Variants in CREB3L2 observed in about 807,000 individuals in gnomAD.
CREB3L2 encodes cyclic AMP-responsive element-binding protein 3-like protein 2.
In CREB3L2, 23 loss-of-function variants were observed where a neutral mutation model predicts 57.2. The observed-to-expected ratio is 0.40, with a 90% CI of 0.29 to 0.57. The LOEUF (loss-of-function observed/expected upper bound fraction) is 0.57. Among genes scored for constraint, CREB3L2 ranks in the 20% least tolerant of loss-of-function variants. CREB3L2 has a pLI of 0.42. For missense variants in CREB3L2, 628 were observed against 634.7 expected (o/e 0.99, Z 0.11); for synonymous variants, 268 against 265.1 (o/e 1.01, Z -0.11).
At position 137,946,878 on chromosome 7, in the gene CREB3L2, ATCTATATAGT is replaced by A. The variant is rs1396936526; in HGVS notation, c.103-18522_103-18513del. On this transcript the variant is annotated intron_variant, in intron 1 of 11. Transcript: ENST00000330387. ...TATCTATATAGTTATATATATAGTT[ATCTATATAGT>A]TATATATATAGTTATATATATAGTT... is the stretch of plus-strand genomic sequence containing the variant. 8.4e-5 allele frequency among the ~76,000 whole-genome samples: 5 copies of A among 59,814 alleles called. 1 individual carries two copies. Among genetic ancestry groups the A allele is most frequent in the African/African-American group, 5.3e-4 (5 of 9,362 alleles). 39.2% of individuals were successfully genotyped at this position (59,814 alleles called of 152,430 possible). A position where few individuals can be genotyped will look rare whatever the true frequency, so the allele number is the denominator to read the frequency against.
At chr7:137,892,875 AATAATT>A (rs1387355904) in intron 8 of CREB3L2, among the ~76,000 whole-genome samples, 3 of 152,088 alleles carry the variant, frequency 2.0e-5, no homozygotes, top group African/African-American at 7.2e-5. Flanking sequence ...ATACAATGTT[AATAATT>A]ATAAGTTCTA....
At chr7:137,913,566 A>G (rs1800062561) in intron 3 of CREB3L2, among the ~76,000 whole-genome samples, 1 of 151,968 alleles carries the variant, frequency 6.6e-6, no homozygotes, top group Non-Finnish European at 1.5e-5. Context: ...AGAACTCTAA[A>G]GTTGAAAGCC....
At chr7:137,918,616 C>T (rs938765471) in intron 2 of CREB3L2, among the ~76,000 whole-genome samples, 1 of 152,052 alleles carries the variant, frequency 6.6e-6, no homozygotes, top group African/African-American at 2.4e-5. Context: ...AAGGAAGCAT[C>T]CCTGAGAAAA....
intron 8 of CREB3L2, among the ~76,000 whole-genome samples, chr7:137,886,214 A>G (rs1799416588): frequency 6.6e-6 from 1 of 152,240 alleles, no homozygotes; most frequent in African/African-American, 2.4e-5. Flanking sequence ...CGATTAAAAG[A>G]AGAACTCATT....
At chr7:137,950,428 C>T (rs1032179494) in intron 1 of CREB3L2, among the ~76,000 whole-genome samples, 1 of 152,204 alleles carries the variant, frequency 6.6e-6, no homozygotes. Flanking sequence ...ATCAAAGAAG[C>T]TCACAAATGC....
At chr7:137,901,318 G>A (rs750122057) in intron 8 of CREB3L2, 36 bp downstream of exon 8, 2 of 1,261,420 alleles carry the variant, frequency 1.6e-6, no homozygotes, top group South Asian at 1.2e-5. Flanking sequence ...ATCTTCCATT[G>A]GTAGCGCAAT....
intron 1 of CREB3L2, among the ~76,000 whole-genome samples, chr7:137,976,074 ATC>A (rs1478254639): frequency 2.0e-5 from 3 of 152,232 alleles, no homozygotes. Context: ...TTTCAAAAAC[ATC>A]TCTTTCTTTT....
At chr7:137,922,708 T>C (rs1471801169) in intron 2 of CREB3L2, 1 of 437,616 alleles carries the variant, frequency 2.3e-6, no homozygotes, top group Admixed American at 2.4e-5. Context: ...ATTCATAGGA[T>C]GCAAAACCCA....
chr7:137,906,566 C>T (rs58766863), intron 5 of CREB3L2, among the ~76,000 whole-genome samples: 8,573 of 152,282 alleles, frequency 0.056, 523 homozygotes, highest in African/African-American at 0.16. Context: ...TGAGACTGAA[C>T]TGATACCCAT....
chr7:137,922,384 GTA>G (rs1175503933), intron 2 of CREB3L2, among the ~76,000 whole-genome samples: 409 of 19,500 alleles, frequency 0.021, 1 homozygote, highest in Middle Eastern at 0.088. Flanking sequence ...ATATATATAT[GTA>G]TATATATATA....
chr7:137,945,592 A>G (rs1443942189), intron 1 of CREB3L2, among the ~76,000 whole-genome samples: 1 of 152,224 alleles, frequency 6.6e-6, no homozygotes, highest in Non-Finnish European at 1.5e-5. Flanking sequence ...GGGCAATAAT[A>G]CCCCAAATCA....
chr7:137,984,214 T>G (rs1801757878), intron 1 of CREB3L2, among the ~76,000 whole-genome samples: 1 of 152,204 alleles, frequency 6.6e-6, no homozygotes, highest in Admixed American at 6.5e-5. Flanking sequence ...CCACTCAATA[T>G]CCATCCTACC....
chr7:137,923,657 A>C (rs1295466174), intron 2 of CREB3L2, among the ~76,000 whole-genome samples: 1 of 152,210 alleles, frequency 6.6e-6, no homozygotes, highest in Admixed American at 6.5e-5. Context: ...AGATCTCTTC[A>C]ACACTGCAAA....
At position 137,878,420 on chromosome 7, in the gene CREB3L2, C is replaced by T. The variant is rs762558184; in HGVS notation, c.*2056G>A. On this transcript the variant is annotated 3_prime_UTR_variant, in exon 12 of 12. Transcript: ENST00000330387. ...CTTTGGGCCCTATAGGCTGCCTATG[C>T]CTGATAATGACCTGACAGTTTAAAA... 8.6e-6 allele frequency: 2 copies of T among 232,746 alleles called. No homozygotes were observed. Among genetic ancestry groups the T allele is most frequent in the Non-Finnish European group, 1.7e-5 (2 of 117,838 alleles). The allele number at this position is 232,746 out of a possible 1,614,324, so 14.4% of individuals were successfully genotyped here.
intron 1 of CREB3L2, among the ~76,000 whole-genome samples, chr7:137,931,062 T>C (rs998458299): frequency 2.6e-5 from 4 of 151,682 alleles, no homozygotes; most frequent in African/African-American, 9.7e-5. Flanking sequence ...TGAGACACAG[T>C]CTCTACAAAA....
At chr7:137,997,657 G>A (rs373754440) in intron 1 of CREB3L2, among the ~76,000 whole-genome samples, 15 of 152,170 alleles carry the variant, frequency 9.9e-5, no homozygotes, top group African/African-American at 3.4e-4. Context: ...GAGCCTGGAA[G>A]GTTAAGCCTG....
intron 1 of CREB3L2, among the ~76,000 whole-genome samples, chr7:137,992,291 T>C (rs1307866667): frequency 6.6e-6 from 1 of 152,168 alleles, no homozygotes; most frequent in East Asian, 1.9e-4. Flanking sequence ...CAAGCCAAAG[T>C]ACAAGCAAAA....
chr7:137,952,758 T>G (rs1424865049), intron 1 of CREB3L2, among the ~76,000 whole-genome samples: 1 of 152,188 alleles, frequency 6.6e-6, no homozygotes, highest in African/African-American at 2.4e-5. Context: ...CCAGATATAA[T>G]CACTTATTTA....
chr7:137,977,387 C>T (rs966693414), intron 1 of CREB3L2, among the ~76,000 whole-genome samples: 2 of 152,082 alleles, frequency 1.3e-5, no homozygotes, highest in African/African-American at 2.4e-5. Context: ...AACAACACAA[C>T]GATTATAAAA....
Sources: allele counts gnomAD v4.1 joint callset (sites outside exome capture counted in the v4.1 genomes callset), GRCh38; gene constraint gnomAD v4.1.1; transcripts MANE v1.5; gene names NCBI Gene and HGNC (gene_info 2026-07-23, HGNC 2026-07-21).